The following DSC3 variants were observed in gnomAD, a reference collection of about 807,000 sequenced individuals.
The protein encoded by DSC3 is desmocollin-3.
DSC3 carries 97 observed loss-of-function variants against 89.5 expected under a neutral mutation model. That is an observed-to-expected ratio of 1.08 (90% CI 0.92 to 1.28). DSC3 has a LOEUF of 1.28. Ranked by LOEUF, DSC3 falls within the 50% of genes most tolerant of loss-of-function variation. DSC3 has a pLI of 0.00. For synonymous variants in DSC3, 436 were observed against 384.1 expected, an observed-to-expected ratio of 1.14 and a Z score of -1.58; for missense variants, 1,199 against 1,085.3, an observed-to-expected ratio of 1.10 and a Z score of -1.47.
In DSC3 at chr18:31,024,353, T is replaced by C. The variant is rs757528527; in HGVS notation, c.771A>G (p.Arg257=). The C allele has an allele frequency of 2.5e-6, 4 of 1,601,142 alleles. No individual in the cohort carries two copies. The highest frequency in any genetic ancestry group is 1.7e-5 in the Admixed American group (1 of 58,434). The change falls in exon 6 of 16, where the codon AGA becomes AGG. Residue 257 remains arginine (R), a synonymous_variant. Transcript: ENST00000360428. ...IYNFEVLESS[R]PGTTVGVVCA... is the part of the protein sequence containing the mutation. ...TATTCTTAAAAGCAGACTTACCAGG[T>C]CTACTACTTTCCAAAACTTCAAAAT...
chr18:30,999,441 C>CA, intron 14 of DSC3, among the ~76,000 whole-genome samples: 1 of 139,912 alleles, frequency 7.1e-6, no homozygotes, highest in East Asian at 2.1e-4. Flanking sequence ...AATTCAATTA[C>CA]AAAAAAGGAA....
chr18:31,038,385 G>C (rs1567963496), intron 1 of DSC3, among the ~76,000 whole-genome samples: 1 of 152,056 alleles, frequency 6.6e-6, no homozygotes, highest in Non-Finnish European at 1.5e-5. Flanking sequence ...AATGGTTACA[G>C]GTCTATTTAG....
rs554855958 is a variant in DSC3 at position 31,031,602 on chromosome 18, T to C, written c.155-430A>G. On this transcript the variant is annotated intron_variant, in intron 2 of 15. Transcript: ENST00000360428. The stretch of plus-strand genomic sequence containing the variant: ...AGCCATGAGCCAAAGAGCAATGGAG[T>C]GTATGAGTTTGGTAAAGAGTCATGT... 3.9e-5 allele frequency among the ~76,000 whole-genome samples: 6 copies of C among 152,046 alleles called. No individual in the cohort carries two copies. In the South Asian group the frequency reaches 1.0e-3, roughly 26 times the overall value.
chr18:31,018,202 T>G lies in DSC3; in HGVS notation c.1132A>C (p.Ile378Leu). ...GTGTTAATTAAATCCTTATCTTCTA[T>G]AGGTATTCGTAAGATTTCCACATTG... Reference protein sequence around the residue: ...AFNVEILRIPIEDKDLINTAN... With the variant: ...AFNVEILRIPLEDKDLINTAN... Residue 378 changes from isoleucine (I) to leucine (L), a missense_variant, in exon 9 of 16, where the codon ATA (isoleucine) becomes CTA (leucine). By Grantham distance (5) the Ile-to-Leu change is conservative (BLOSUM62 2). Coordinates refer to ENST00000360428, the MANE Select transcript of DSC3 (RefSeq NM_001941.5). The G allele has an allele frequency of 6.2e-7, 1 of 1,612,218 alleles. No homozygotes were observed. The highest frequency in any genetic ancestry group is 1.3e-5 in the African/African-American group (1 of 74,988).
At chr18:30,994,928 T>C (rs905418509) in intron 15 of DSC3, among the ~76,000 whole-genome samples, 7 of 152,230 alleles carry the variant, frequency 4.6e-5, no homozygotes, top group Non-Finnish European at 8.8e-5. Flanking sequence ...GAATCACTAT[T>C]ATATGCAGTT....
At chr18:31,037,013 G>A (rs1055953360) in intron 1 of DSC3, among the ~76,000 whole-genome samples, 7 of 151,820 alleles carry the variant, frequency 4.6e-5, no homozygotes, top group African/African-American at 1.7e-4. Context: ...GGCTGGTCTT[G>A]AACTCCTGAC....
intron 1 of DSC3, among the ~76,000 whole-genome samples, chr18:31,039,312 T>C (rs1986063843): frequency 1.3e-5 from 2 of 152,154 alleles, no homozygotes; most frequent in African/African-American, 4.8e-5. Flanking sequence ...TGCAGTTGTT[T>C]CACTTTCATG....
In DSC3 at chr18:31,006,999, G is replaced by A; in HGVS notation, c.1796C>T (p.Pro599Leu). 6.2e-7 allele frequency: 1 copy of A among 1,613,880 alleles called. No individual in the cohort carries two copies. The highest frequency in any genetic ancestry group is 8.5e-7 in the Non-Finnish European group (1 of 1,179,918). ...TGGAGCTCCATGGACAGGTTCATCA[G>A]GATCAACAGCTAAAATGTCGGTATA... ...MGYTDILAVD[P>L]DEPVHGAPFY... is the part of the protein sequence containing the mutation. The change falls in exon 12 of 16, where the codon CCT (proline) becomes CTT (leucine). Residue 599 changes from proline to leucine, a missense_variant. By Grantham distance (98) the Pro-to-Leu change is moderately conservative. Coordinates refer to ENST00000360428, the MANE Select transcript of DSC3 (RefSeq NM_001941.5).
intron 12 of DSC3, 71 bp from the exon 13 acceptor site, chr18:31,004,437 C>T: frequency 1.4e-6 from 2 of 1,439,854 alleles, no homozygotes; most frequent in South Asian, 1.2e-5. Flanking sequence ...TTTCATCACG[C>T]TTGTTTTTGA....
intron 7 of DSC3, among the ~76,000 whole-genome samples, chr18:31,020,698 C>T (rs1312067763): frequency 5.9e-5 from 9 of 152,138 alleles, no homozygotes; most frequent in Non-Finnish European, 8.8e-5. Flanking sequence ...AATTCCAACA[C>T]TTTGGGAGGC....
rs1391877539 is a variant in DSC3 at position 30,993,226 on chromosome 18, CT to C, written c.*948del. 1 of 152,144 alleles carries C rather than the reference CT, an allele frequency of 6.6e-6. No individual in the cohort carries two copies. The highest frequency in any genetic ancestry group is 1.5e-5 in the Non-Finnish European group (1 of 68,012). 9.4% of individuals were successfully genotyped at this position (152,144 alleles called of 1,614,324 possible). The stretch of plus-strand genomic sequence containing the variant: ...GAAAAAAACACCTCATCTCTGGACC[CT>C]TGCTACCAAAAAGCAGGGAACCCCA... On this transcript the variant is annotated 3_prime_UTR_variant, in exon 16 of 16. Transcript: ENST00000360428.
chr18:31,021,795 A>G (rs1402943195), intron 7 of DSC3, among the ~76,000 whole-genome samples: 1 of 152,210 alleles, frequency 6.6e-6, no homozygotes, highest in Admixed American at 6.5e-5. Flanking sequence ...CTAGTCAAAC[A>G]AAAATATTCT....
chr18:31,001,098 T>TATATATATATATATATATAA (rs1984643187), intron 14 of DSC3, among the ~76,000 whole-genome samples: 1 of 147,188 alleles, frequency 6.8e-6, no homozygotes, highest in East Asian at 2.0e-4. Flanking sequence ...TGTATATATA[T>TATATATATATATATATATAA]ATATATATAT....
At chr18:31,031,846 C>A (rs1242673120) in intron 2 of DSC3, among the ~76,000 whole-genome samples, 3 of 152,208 alleles carry the variant, frequency 2.0e-5, no homozygotes, top group African/African-American at 7.2e-5. Context: ...CATTCTTCAA[C>A]TATTTGTCTT....
intron 9 of DSC3, among the ~76,000 whole-genome samples, chr18:31,009,518 C>G (rs1363539754): frequency 6.6e-6 from 1 of 152,184 alleles, no homozygotes; most frequent in Non-Finnish European, 1.5e-5. Flanking sequence ...TCCATGCCCA[C>G]TACCTGTTTT....
rs113024925 is a variant in DSC3, at chr18:31,020,530, C to T, written c.943-1730G>A. On this transcript the variant is annotated intron_variant, in intron 7 of 15. Coordinates refer to ENST00000360428, the MANE Select transcript of DSC3 (RefSeq NM_001941.5). ...TGGTACAATCATCTTTGTGGCCTTC[C>T]TCTTTTATTTTACTGTTCGTTAGTC... Among the ~76,000 whole-genome samples, 12 of 152,196 alleles carry T rather than the reference C, an allele frequency of 7.9e-5. No homozygotes were observed. The East Asian group carries it at 9.7e-4, about 12-fold the overall frequency.
chr18:31,011,763 C>G (rs912746834), intron 9 of DSC3, among the ~76,000 whole-genome samples: 1 of 151,632 alleles, frequency 6.6e-6, no homozygotes, highest in Non-Finnish European at 1.5e-5. Context: ...GAGGCCAAGG[C>G]GGGCGGATTG....
At chr18:31,001,849 G>C in intron 13 of DSC3, 110 bp from the exon 14 acceptor site, 1 of 869,226 alleles carries the variant, frequency 1.2e-6, no homozygotes, top group Non-Finnish European at 1.7e-6. Context: ...AATCCACTAA[G>C]CATGGTTTCC....
In DSC3 at chr18:31,032,294, A is replaced by C. The variant is rs1442061984; in HGVS notation, c.70-18T>G. 4 of 1,555,880 alleles carry C rather than the reference A, an allele frequency of 2.6e-6. No individual in the cohort carries two copies. The highest frequency in any genetic ancestry group is 3.5e-6 in the Non-Finnish European group (4 of 1,127,000). On this transcript the variant is annotated intron_variant, in intron 1 of 15. Transcript: ENST00000360428. The stretch of plus-strand genomic sequence containing the variant: ...CTGAAGATCTAGAATTTAAAAGGTC[A>C]CATTAATACAGTAGAAAATAAAGAT...
Sources: allele counts gnomAD v4.1 joint callset (sites outside exome capture counted in the v4.1 genomes callset), GRCh38; gene constraint gnomAD v4.1.1; transcripts MANE v1.5; gene names NCBI Gene and HGNC (gene_info 2026-07-23, HGNC 2026-07-21).